ATP6V1C1: variants seen among roughly 807,000 people sequenced by gnomAD.
ATP6V1C1 encodes the protein V-type proton ATPase subunit C 1.
Under a neutral mutation model 53.9 loss-of-function variants are expected in ATP6V1C1, and 45 were observed. The ratio of observed to expected loss-of-function variants is 0.83; its 90% CI spans 0.66 to 1.07. The LOEUF (loss-of-function observed/expected upper bound fraction) is 1.07, where lower values mean the gene tolerates loss of function less well. Ranked by LOEUF, ATP6V1C1 falls within the 50% of genes least tolerant of loss-of-function variation. ATP6V1C1 has a pLI of 0.00. For synonymous variants in ATP6V1C1, 153 were observed against 155.2 expected (o/e 0.99, Z 0.11); for missense variants, 315 against 440.3 (o/e 0.72, Z 2.55).
chr8:103,024,631 T>C (rs1404675090), intron 1 of ATP6V1C1, among the ~76,000 whole-genome samples: 1 of 152,260 alleles, frequency 6.6e-6, no homozygotes, highest in African/African-American at 2.4e-5. Context: ...TGTGGAATTA[T>C]ATATCATTTA....
In ATP6V1C1 at chr8:103,068,819, C is replaced by G; in HGVS notation, c.*72C>G. On this transcript the variant is annotated 3_prime_UTR_variant, in exon 13 of 13. Coordinates refer to ENST00000518738, the MANE Select transcript of ATP6V1C1 (RefSeq NM_001695.5). ...TAACAGAAATAAGTTGCAGTATGGT[C>G]GTACTTTTAACTCTAGTATCCTTTG... 1 of 1,355,158 alleles carries G rather than the reference C, an allele frequency of 7.4e-7. No homozygotes were observed. Among genetic ancestry groups the G allele is most frequent in the Non-Finnish European group, 1.0e-6 (1 of 974,656 alleles). The allele number at this position is 1,355,158 out of a possible 1,614,324, so 83.9% of individuals were successfully genotyped here.
chr8:103,038,522 A>G (rs1816938657), intron 1 of ATP6V1C1, among the ~76,000 whole-genome samples: 1 of 152,200 alleles, frequency 6.6e-6, no homozygotes, highest in African/African-American at 2.4e-5. Flanking sequence ...CCCAGAAAAA[A>G]TCTTTCACAG....
At chr8:103,047,293 C>G (rs1468802667) in intron 3 of ATP6V1C1, among the ~76,000 whole-genome samples, 2 of 151,728 alleles carry the variant, frequency 1.3e-5, no homozygotes, top group Non-Finnish European at 2.9e-5. Context: ...TGTAATCCCT[C>G]CTGCTTGAGG....
chr8:103,021,223 T>A lies in ATP6V1C1; in HGVS notation c.-42T>A, dbSNP rs556947449. 6.5e-6 allele frequency: 1 copy of A among 153,006 alleles called. No individual in the cohort carries two copies. The highest frequency in any genetic ancestry group is 2.1e-4 in the South Asian group (1 of 4,840). 9.5% of individuals were successfully genotyped at this position (153,006 alleles called of 1,614,324 possible). On this transcript the variant is annotated splice_region_variant and 5_prime_UTR_variant, in exon 1 of 13. Transcript: ENST00000518738. ...GCTACTTCCTCGTTTGACACCTTCC[T>A]GGGTCAGTGAGCGATGGCTCTCCCC... is the stretch of plus-strand genomic sequence containing the variant.
chr8:103,058,983 ATTTTTTT>A (rs367688530), intron 8 of ATP6V1C1, among the ~76,000 whole-genome samples: 2 of 137,510 alleles, frequency 1.5e-5, no homozygotes, highest in African/African-American at 5.3e-5. Context: ...CCACTTTCCT[ATTTTTTT>A]TTTTTTTGTC....
chr8:103,029,242 GTTCT>G (rs889848571), intron 1 of ATP6V1C1, among the ~76,000 whole-genome samples: 9 of 149,320 alleles, frequency 6.0e-5, no homozygotes, highest in Non-Finnish European at 1.3e-4. Flanking sequence ...TCTATCTTTT[GTTCT>G]TTCTTCCTTC....
intron 8 of ATP6V1C1, among the ~76,000 whole-genome samples, chr8:103,059,517 C>G (rs1015641609): frequency 6.6e-6 from 1 of 151,818 alleles, no homozygotes; most frequent in Non-Finnish European, 1.5e-5. Context: ...CTTGCACCCC[C>G]CTCCCCCCAC....
chr8:103,062,997 C>T lies in ATP6V1C1; in HGVS notation c.684C>T (p.Thr228=), dbSNP rs750776624. 1.2e-6 allele frequency: 2 copies of T among 1,613,700 alleles called. No individual in the cohort carries two copies. Among genetic ancestry groups the T allele is most frequent in the Admixed American group, 3.3e-5 (2 of 60,002 alleles). Residue 228 remains threonine, a synonymous_variant, in exon 9 of 13, where the codon ACC becomes ACT. Coordinates refer to ENST00000518738, the MANE Select transcript of ATP6V1C1 (RefSeq NM_001695.5). ...EDQDSYLCNV[T]LFRKAVDDFR... Reference sequence around the variant, plus strand: ...AAGACAGTTACCTGTGTAATGTCACCTTGTTTAGGAAGGCAGTTGATGACT... The same window carrying T: ...AAGACAGTTACCTGTGTAATGTCACTTTGTTTAGGAAGGCAGTTGATGACT...
chr8:103,021,781 G>A (rs558185369), intron 1 of ATP6V1C1, among the ~76,000 whole-genome samples: 4 of 152,246 alleles, frequency 2.6e-5, no homozygotes, highest in East Asian at 3.9e-4. Context: ...CTATTTTTTA[G>A]TAGAATGGGG....
At chr8:103,048,769 A>C in intron 3 of ATP6V1C1, 101 bp from the exon 4 acceptor site, 1 of 951,774 alleles carries the variant, frequency 1.1e-6, no homozygotes, top group Non-Finnish European at 1.6e-6. Flanking sequence ...TATAATGGGA[A>C]CATATAGTCA....
chr8:103,048,417 C>G (rs1817142952), intron 3 of ATP6V1C1, among the ~76,000 whole-genome samples: 1 of 152,174 alleles, frequency 6.6e-6, no homozygotes, highest in African/African-American at 2.4e-5. Context: ...TTCATCATGA[C>G]TATTGCTTAC....
chr8:103,045,416 T>G (rs990889759), intron 3 of ATP6V1C1, among the ~76,000 whole-genome samples: 1 of 152,172 alleles, frequency 6.6e-6, no homozygotes, highest in Non-Finnish European at 1.5e-5. Flanking sequence ...AGTTTCACAG[T>G]AGGTTAGTTA....
chr8:103,029,915 T>G (rs1816766471), intron 1 of ATP6V1C1, among the ~76,000 whole-genome samples: 1 of 151,992 alleles, frequency 6.6e-6, no homozygotes, highest in Non-Finnish European at 1.5e-5. Context: ...GTATTTTTAG[T>G]AGAGACAGGG....
At chr8:103,037,358 A>C (rs945637997) in intron 1 of ATP6V1C1, among the ~76,000 whole-genome samples, 2 of 152,068 alleles carry the variant, frequency 1.3e-5, no homozygotes, top group African/African-American at 4.8e-5. Flanking sequence ...AATAATTAAA[A>C]AAAAAGAGAG....
rs2131407747 is a variant in ATP6V1C1, at chr8:103,069,032, T to C, written c.*285T>C. 5.1e-6 allele frequency: 1 copy of C among 195,010 alleles called. No individual in the cohort carries two copies. The highest frequency in any genetic ancestry group is 1.2e-4 in the East Asian group (1 of 8,530). 12.1% of individuals were successfully genotyped at this position (195,010 alleles called of 1,614,324 possible). A position where few individuals can be genotyped will look rare whatever the true frequency, so the allele number is the denominator to read the frequency against. The stretch of plus-strand genomic sequence containing the variant: ...ATTTAAAGAGAAGGTCTCTTCCTTA[T>C]TGATATCATGGTATGCATTAATTCC... On this transcript the variant is annotated 3_prime_UTR_variant, in exon 13 of 13. Coordinates refer to ENST00000518738, the MANE Select transcript of ATP6V1C1 (RefSeq NM_001695.5).
intron 1 of ATP6V1C1, among the ~76,000 whole-genome samples, chr8:103,025,332 G>A (rs1482015336): frequency 6.6e-6 from 1 of 152,160 alleles, no homozygotes; most frequent in Admixed American, 6.5e-5. Context: ...TCTCCACATT[G>A]GGACAACCCA....
chr8:103,031,628 C>T (rs555403475), intron 1 of ATP6V1C1, among the ~76,000 whole-genome samples: 1 of 152,264 alleles, frequency 6.6e-6, no homozygotes, highest in African/African-American at 2.4e-5. Flanking sequence ...GAGGGATCTG[C>T]CCCATGACCC....
chr8:103,037,869 A>G (rs1237830978), intron 1 of ATP6V1C1, among the ~76,000 whole-genome samples: 2 of 152,210 alleles, frequency 1.3e-5, no homozygotes, highest in Non-Finnish European at 2.9e-5. Context: ...TGCATATTTT[A>G]GTATTTTCTG....
intron 3 of ATP6V1C1, among the ~76,000 whole-genome samples, chr8:103,046,577 A>G (rs1190342068): frequency 1.3e-5 from 2 of 152,218 alleles, no homozygotes; most frequent in East Asian, 3.8e-4. Context: ...TTTGGTGAGT[A>G]GAATTTAAAG....
Sources: gnomAD v4.1 joint callset for allele counts (sites outside exome capture counted in the v4.1 genomes callset) on GRCh38, gnomAD v4.1.1 for gene constraint, MANE v1.5 for transcripts, NCBI Gene and HGNC (gene_info 2026-07-23, HGNC 2026-07-21) for gene names.